Variants in SPTLC3 observed in about 807,000 individuals in gnomAD.
The protein encoded by SPTLC3 is serine palmitoyltransferase 3.
In SPTLC3, 36 loss-of-function variants were observed where a neutral mutation model predicts 59.3. The observed-to-expected ratio is 0.61, with a 90% CI of 0.47 to 0.80. The LOEUF (loss-of-function observed/expected upper bound fraction) is 0.80. Among genes scored for constraint, SPTLC3 ranks in the 30% least tolerant of loss-of-function variants. SPTLC3 has a pLI of 0.00. For missense variants in SPTLC3, 625 were observed against 685.1 expected, an observed-to-expected ratio of 0.91 and a Z score of 0.98; for synonymous variants, 257 against 240.8, an observed-to-expected ratio of 1.07 and a Z score of -0.62.
At chr20:13,133,792 T>A (rs1471929806) in intron 9 of SPTLC3, among the ~76,000 whole-genome samples, 2 of 152,196 alleles carry the variant, frequency 1.3e-5, no homozygotes, top group Non-Finnish European at 1.5e-5. Context: ...GTCCAGTGAT[T>A]GTAGGCTGGA....
chr20:13,160,108 A>C lies in SPTLC3; in HGVS notation c.1521A>C (p.Ala507=). 1.2e-6 allele frequency: 2 copies of C among 1,613,888 alleles called. No homozygotes were observed. The highest frequency in any genetic ancestry group is 8.5e-7 in the Non-Finnish European group (1 of 1,179,928). Residue 507 remains alanine (A), a synonymous_variant, in exon 11 of 12, where the codon GCA becomes GCC. Coordinates refer to ENST00000399002, the MANE Select transcript of SPTLC3 (RefSeq NM_018327.4). ...EARARFCVSA[A]HTREMLDTVL... ...GGGCTCGGTTTTGTGTTTCAGCGGC[A>C]CATACCCGGGAGATGTTAGACACGG...
intron 2 of SPTLC3, among the ~76,000 whole-genome samples, chr20:13,057,913 C>A (rs1987793150): frequency 6.6e-6 from 1 of 152,204 alleles, no homozygotes; most frequent in Non-Finnish European, 1.5e-5. Flanking sequence ...TGTCGAGCAT[C>A]ATCAGAGATT....
At chr20:13,140,143 T>C (rs545819461) in intron 9 of SPTLC3, among the ~76,000 whole-genome samples, 1 of 152,154 alleles carries the variant, frequency 6.6e-6, no homozygotes, top group Non-Finnish European at 1.5e-5. Context: ...GAGGGGAGAA[T>C]GTATATTTTG....
At chr20:13,140,174 T>C (rs1263391107) in intron 9 of SPTLC3, among the ~76,000 whole-genome samples, 1 of 152,034 alleles carries the variant, frequency 6.6e-6, no homozygotes, top group Non-Finnish European at 1.5e-5. Context: ...CATACAGACA[T>C]TAAGGACTTT....
At chr20:13,083,312 T>C (rs909106735) in intron 4 of SPTLC3, among the ~76,000 whole-genome samples, 2 of 152,174 alleles carry the variant, frequency 1.3e-5, no homozygotes, top group Non-Finnish European at 2.9e-5. Context: ...GGAGCCCCTA[T>C]ATAATTTGAG....
intron 7 of SPTLC3, among the ~76,000 whole-genome samples, chr20:13,114,506 T>C (rs1990424235): frequency 6.6e-6 from 1 of 152,180 alleles, no homozygotes. Flanking sequence ...AGTCAGCTCT[T>C]CTAAAACAAA....
chr20:13,009,792 T>C (rs780223499), intron 1 of SPTLC3, among the ~76,000 whole-genome samples: 171 of 152,296 alleles, frequency 1.1e-3, no homozygotes, highest in Non-Finnish European at 2.0e-3. Context: ...TGACATTATG[T>C]GGTGGAGATG....
intron 1 of SPTLC3, among the ~76,000 whole-genome samples, chr20:13,010,053 TC>T (rs201008296): frequency 0.25 from 37,335 of 148,640 alleles, 4,621 homozygotes; most frequent in South Asian, 0.38. Flanking sequence ...TTTTTTTTTT[TC>T]ACTCTTATTG....
intron 1 of SPTLC3, among the ~76,000 whole-genome samples, chr20:13,009,987 C>T (rs547708247): frequency 6.6e-6 from 1 of 152,146 alleles, no homozygotes; most frequent in Non-Finnish European, 1.5e-5. Flanking sequence ...ACACACTGCT[C>T]TCAGAAAACA....
chr20:13,108,950 A>G (rs571627475), intron 6 of SPTLC3, among the ~76,000 whole-genome samples: 1 of 152,336 alleles, frequency 6.6e-6, no homozygotes, highest in South Asian at 2.1e-4. Flanking sequence ...TAAGTATTTC[A>G]GTTTCATCTT....
chr20:13,091,375 T>C (rs1018925113), intron 5 of SPTLC3, among the ~76,000 whole-genome samples, 168 bp downstream of exon 5: 3 of 151,870 alleles, frequency 2.0e-5, no homozygotes, highest in African/African-American at 4.8e-5. Flanking sequence ...GAGACCTAGA[T>C]CATCCTGGCC....
In SPTLC3 at chr20:13,167,960, T is replaced by G. The variant is rs530133807; in HGVS notation, c.*3093T>G. ...TCTCTTGTTCATAATTAAGTGTATATATACTGGTAAAATTAATTTATTCCA... is the reference window on the plus strand; with the variant it reads ...TCTCTTGTTCATAATTAAGTGTATAGATACTGGTAAAATTAATTTATTCCA... On this transcript the variant is annotated 3_prime_UTR_variant, in exon 12 of 12. Transcript: ENST00000399002. 8 of 152,328 alleles carry G rather than the reference T, an allele frequency of 5.3e-5. No homozygotes were observed. Among genetic ancestry groups the G allele is most frequent in the African/African-American group, 1.9e-4 (8 of 41,558 alleles). 9.4% of individuals were successfully genotyped at this position (152,328 alleles called of 1,614,324 possible).
intron 8 of SPTLC3, among the ~76,000 whole-genome samples, chr20:13,122,632 A>G (rs2037894041): frequency 6.6e-6 from 1 of 152,222 alleles, no homozygotes; most frequent in Admixed American, 6.5e-5. Flanking sequence ...TACCTACCTT[A>G]AAGAGTTATT....
intron 1 of SPTLC3, among the ~76,000 whole-genome samples, chr20:13,013,658 T>C (rs112370508): frequency 0.046 from 6,933 of 152,272 alleles, 233 homozygotes; most frequent in Middle Eastern, 0.092. Flanking sequence ...GTGTGTCAGG[T>C]GCTGCAGTCA....
In SPTLC3 at chr20:13,019,431, T is replaced by A. The variant is rs552966937; in HGVS notation, c.117+10047T>A. On this transcript the variant is annotated intron_variant, in intron 1 of 11. Coordinates refer to ENST00000399002, the MANE Select transcript of SPTLC3 (RefSeq NM_018327.4). The stretch of plus-strand genomic sequence containing the variant: ...GTACAGTGCTATTTTCTCATTTGTT[T>A]AGGAAAAATGGCTCAGAGAATTTGG... Among the ~76,000 whole-genome samples the A allele has an allele frequency of 1.2e-4, 19 of 152,284 alleles. No homozygotes were observed. The South Asian group carries it at 3.9e-3, about 32-fold the overall frequency.
chr20:13,146,731 T>C (rs2038519173), intron 9 of SPTLC3, among the ~76,000 whole-genome samples: 1 of 152,220 alleles, frequency 6.6e-6, no homozygotes. Flanking sequence ...TCATCTTCTA[T>C]TGCCACCTCA....
At chr20:13,143,316 A>G (rs1430233969) in intron 9 of SPTLC3, among the ~76,000 whole-genome samples, 5 of 152,192 alleles carry the variant, frequency 3.3e-5, no homozygotes, top group Admixed American at 2.0e-4. Context: ...ATATTTGTGA[A>G]CCATAGAATT....
chr20:13,153,779 C>G (rs2038703389), intron 9 of SPTLC3, among the ~76,000 whole-genome samples: 1 of 152,152 alleles, frequency 6.6e-6, no homozygotes, highest in Admixed American at 6.5e-5. Context: ...CTTGCAGCAC[C>G]TCGTAGAACC....
At chr20:13,142,772 G>A (rs1000224606) in intron 9 of SPTLC3, among the ~76,000 whole-genome samples, 9 of 152,152 alleles carry the variant, frequency 5.9e-5, no homozygotes, top group African/African-American at 1.7e-4. Context: ...TTTTGGGGCT[G>A]TAGGACTGAG....
Sources: allele counts gnomAD v4.1 joint callset (sites outside exome capture counted in the v4.1 genomes callset), GRCh38; gene constraint gnomAD v4.1.1; transcripts MANE v1.5; gene names NCBI Gene and HGNC (gene_info 2026-07-23, HGNC 2026-07-21).